The following TENM2 variants were observed in gnomAD, a reference collection of about 807,000 sequenced individuals.
The protein encoded by TENM2 is teneurin transmembrane protein 2, also known as teneurin-2.
Under a neutral mutation model 245.2 loss-of-function variants are expected in TENM2, and 52 were observed. The observed-to-expected ratio is 0.21, with a 90% CI of 0.17 to 0.27. The LOEUF (loss-of-function observed/expected upper bound fraction) is 0.27. TENM2 is among the 10% of genes least tolerant of loss of function. TENM2 has a pLI of 1.00. For synonymous variants in TENM2, 1,363 were observed against 1,438.9 expected (o/e 0.95, Z 1.19); for missense variants, 3,046 against 3,666.8 (o/e 0.83, Z 4.37).
chr5:167,901,555 G>A (rs1230226334), intron 3 of TENM2, among the ~76,000 whole-genome samples: 1 of 152,120 alleles, frequency 6.6e-6, no homozygotes, highest in Non-Finnish European at 1.5e-5. Context: ...TTCTTAATCT[G>A]TCAAGTAGGA....
exon 29 of TENM2, chr5:168,262,234 G>T (rs534240381): frequency 1.2e-6 from 2 of 1,605,050 alleles, no homozygotes; most frequent in Non-Finnish European, 1.7e-6. Context: ...GGGTGACCAC[G>T]GGCGTGTCCA....
At chr5:167,246,888 G>A in the TENM2 span, among the ~76,000 whole-genome samples, 11 of 151,824 alleles carry the variant, frequency 7.2e-5, no homozygotes, top group African/African-American at 2.4e-4. Context: ...TACTAACATC[G>A]CGTTGGGATC....
the TENM2 span, among the ~76,000 whole-genome samples, chr5:167,215,728 C>G: frequency 1.3e-5 from 2 of 152,186 alleles, no homozygotes; most frequent in African/African-American, 4.8e-5. Context: ...ATCATGCAAC[C>G]TGTGGTTGAA....
intron 5 of TENM2, among the ~76,000 whole-genome samples, chr5:168,007,168 C>T (rs1378794977): frequency 2.6e-5 from 4 of 151,984 alleles, no homozygotes; most frequent in South Asian, 2.1e-4. Context: ...ACTCTGTCAC[C>T]CAGGCTGGAG....
At chr5:168,236,732 A>C (rs549403249) in intron 25 of TENM2, among the ~76,000 whole-genome samples, 1 of 151,558 alleles carries the variant, frequency 6.6e-6, no homozygotes, top group African/African-American at 2.4e-5. Flanking sequence ...ATCTTACAAC[A>C]GTCCCAGTAA....
intron 2 of TENM2, among the ~76,000 whole-genome samples, chr5:167,836,894 G>C (rs1036588590): frequency 6.6e-6 from 1 of 151,938 alleles, no homozygotes; most frequent in East Asian, 1.9e-4. Context: ...GATCATGCTC[G>C]GTTTTCTGAG....
chr5:167,226,004 T>G, the TENM2 span, among the ~76,000 whole-genome samples: 6 of 152,100 alleles, frequency 3.9e-5, no homozygotes, highest in Admixed American at 3.3e-4. Context: ...TTGTATCAGT[T>G]GTAATGCATC....
chr5:167,698,688 T>TG (rs1048316722), intron 2 of TENM2, among the ~76,000 whole-genome samples: 4 of 142,322 alleles, frequency 2.8e-5, no homozygotes, highest in African/African-American at 1.1e-4. Context: ...TGTTTTTTTT[T>TG]TTTTTTTTTT....
At chr5:167,268,922 A>G in the TENM2 span, among the ~76,000 whole-genome samples, 2,531 of 150,242 alleles carry the variant, frequency 0.017, 39 homozygotes, top group South Asian at 0.024. Flanking sequence ...AGATAGATAG[A>G]TAGATAGACA....
chr5:167,151,220 A>G, the TENM2 span, among the ~76,000 whole-genome samples: 2 of 152,178 alleles, frequency 1.3e-5, no homozygotes, highest in Non-Finnish European at 2.9e-5. Context: ...AAAAGGAAAA[A>G]CAGTGGAATT....
intron 2 of TENM2, chr5:167,653,437 G>A (rs911511560): frequency 6.6e-6 from 1 of 151,968 alleles, no homozygotes; most frequent in African/African-American, 2.4e-5. Flanking sequence ...ATATATTTAA[G>A]TAACTCTTAA....
intron 2 of TENM2, among the ~76,000 whole-genome samples, chr5:167,576,336 T>TG (rs1455223475): frequency 1.3e-5 from 2 of 151,796 alleles, no homozygotes; most frequent in African/African-American, 2.4e-5. Context: ...AGAGCATTTT[T>TG]TTTTTTTTTA....
chr5:167,118,488 C>G, the TENM2 span, among the ~76,000 whole-genome samples: 2 of 152,202 alleles, frequency 1.3e-5, no homozygotes, highest in Non-Finnish European at 2.9e-5. Flanking sequence ...AATTCTATAT[C>G]AGGTTTCTGA....
At chr5:167,541,739 C>T (rs1279014879) in intron 2 of TENM2, among the ~76,000 whole-genome samples, 1 of 151,980 alleles carries the variant, frequency 6.6e-6, no homozygotes, top group African/African-American at 2.4e-5. Context: ...TCTGATACCT[C>T]CAAGGAGCAT....
chr5:168,078,199 T>C (rs1250751781), intron 7 of TENM2, among the ~76,000 whole-genome samples: 1 of 152,244 alleles, frequency 6.6e-6, no homozygotes, highest in Non-Finnish European at 1.5e-5. Flanking sequence ...CATTTTTTCA[T>C]GTGTCTGTTG....
the TENM2 span, among the ~76,000 whole-genome samples, chr5:167,059,311 T>G: frequency 6.6e-6 from 1 of 152,198 alleles, no homozygotes; most frequent in Admixed American, 6.5e-5. Flanking sequence ...TTTTTGGAAT[T>G]CATAGTGCAT....
chr5:168,100,877 A>T (rs1562158355), intron 9 of TENM2, among the ~76,000 whole-genome samples: 1 of 151,916 alleles, frequency 6.6e-6, no homozygotes, highest in South Asian at 2.1e-4. Context: ...TACCTATGTA[A>T]CAAACCTGCA....
intron 2 of TENM2, among the ~76,000 whole-genome samples, chr5:167,573,357 G>A (rs1774409339): frequency 1.3e-5 from 2 of 152,122 alleles, no homozygotes; most frequent in South Asian, 4.1e-4. Flanking sequence ...TTCAAACCTG[G>A]GAGATACACG....
chr5:167,974,092 AAGGAAGGAAGGGAGGAAAGG>A, intron 4 of TENM2, among the ~76,000 whole-genome samples: 1 of 10,274 alleles, frequency 9.7e-5, no homozygotes, highest in African/African-American at 6.4e-4. Context: ...GAAGGAAGGG[AAGGAAGGAAGGGAGGAAAGG>A]AGGGAGGAAG....
Sources: gnomAD v4.1 joint callset for allele counts (sites outside exome capture counted in the v4.1 genomes callset) on GRCh38, gnomAD v4.1.1 for gene constraint, MANE v1.5 for transcripts, NCBI Gene and HGNC (gene_info 2026-07-23, HGNC 2026-07-21) for gene names.